The following MYT1L variants were observed in gnomAD, a reference collection of about 807,000 sequenced individuals.
MYT1L encodes myelin transcription factor 1-like protein.
A neutral mutation model predicts 126.7 loss-of-function variants in MYT1L; 12 were observed. The ratio of observed to expected loss-of-function variants is 0.09; its 90% CI spans 0.06 to 0.15. MYT1L has a LOEUF of 0.15. Among genes scored for constraint, MYT1L ranks in the 10% least tolerant of loss-of-function variants. The pLI is 1.00. For missense variants in MYT1L, 979 were observed against 1,585.2 expected (o/e 0.62, Z 6.49); for synonymous variants, 541 against 604.2 (o/e 0.90, Z 1.53).
intron 18 of MYT1L, among the ~76,000 whole-genome samples, chr2:1,858,793 C>T (rs1202217065): frequency 2.6e-5 from 4 of 152,188 alleles, no homozygotes; most frequent in African/African-American, 9.7e-5. Context: ...CACTTTCTCC[C>T]ACGCTAATAC....
At chr2:2,250,476 G>C (rs2094615987) in intron 2 of MYT1L, among the ~76,000 whole-genome samples, 1 of 151,030 alleles carries the variant, frequency 6.6e-6, no homozygotes, top group Non-Finnish European at 1.5e-5. Flanking sequence ...TTGAACTCAT[G>C]AAGATAGAAA....
intron 3 of MYT1L, among the ~76,000 whole-genome samples, chr2:2,125,835 A>G (rs969042724): frequency 4.6e-5 from 7 of 152,230 alleles, no homozygotes; most frequent in African/African-American, 1.7e-4. Context: ...AGTATAAAGT[A>G]AGTCCATTGA....
chr2:1,892,208 G>A lies in MYT1L; in HGVS notation c.2112C>T (p.Ser704=), dbSNP rs1430748087. 6.5e-6 allele frequency: 10 copies of A among 1,550,158 alleles called. No homozygotes were observed. Among genetic ancestry groups the A allele is most frequent in the Non-Finnish European group, 8.7e-6 (10 of 1,146,608 alleles). Residue 704 remains serine (S), a synonymous_variant, in exon 15 of 25, where the codon AGC becomes AGT. Coordinates refer to ENST00000647738, the MANE Select transcript of MYT1L (RefSeq NM_001303052.2). ...SYAPSSSSNL[S]CGGGSSASST... ...TGCTGGCGCTGCTGCCCCCGCCGCA[G>A]CTCAGGTTGCTGCTGCTGCTGGGCG...
intron 4 of MYT1L, among the ~76,000 whole-genome samples, chr2:2,009,918 T>TTTTTTTC (rs552518279): frequency 6.7e-6 from 1 of 148,596 alleles, no homozygotes; most frequent in African/African-American, 2.5e-5. Context: ...TTTTTTTTTT[T>TTTTTTTC]CATGAAAGGG....
intron 4 of MYT1L, among the ~76,000 whole-genome samples, chr2:2,018,551 T>C (rs933789811): frequency 5.9e-5 from 9 of 152,220 alleles, no homozygotes; most frequent in African/African-American, 2.2e-4. Context: ...TGGGTCAGAT[T>C]GAGGCCCGGC....
intron 21 of MYT1L, among the ~76,000 whole-genome samples, chr2:1,813,958 C>T (rs1300073339): frequency 2.4e-5 from 3 of 127,336 alleles, no homozygotes; most frequent in Non-Finnish European, 3.2e-5. Context: ...ACCCGGGAGG[C>T]GGAGCTTGCA....
intron 9 of MYT1L, among the ~76,000 whole-genome samples, chr2:1,934,855 C>T (rs148272193): frequency 9.9e-4 from 151 of 152,134 alleles, no homozygotes; most frequent in African/African-American, 3.4e-3. Flanking sequence ...TGTCAGTGCT[C>T]GGAACCCGGG....
intron 2 of MYT1L, among the ~76,000 whole-genome samples, chr2:2,219,872 C>T (rs1445298036): frequency 1.4e-5 from 2 of 147,742 alleles, no homozygotes; most frequent in South Asian, 2.1e-4. Flanking sequence ...AAAGTAAAAA[C>T]GGCCTTGCTG....
chr2:2,110,552 G>GTCCC (rs71402135), intron 3 of MYT1L, among the ~76,000 whole-genome samples: 4 of 148,916 alleles, frequency 2.7e-5, no homozygotes, highest in East Asian at 2.0e-4. Flanking sequence ...CTCTGTCCCT[G>GTCCC]TCCCTCCCTC....
chr2:2,159,131 C>T (rs1006879274), intron 3 of MYT1L, among the ~76,000 whole-genome samples: 4 of 152,156 alleles, frequency 2.6e-5, no homozygotes, highest in Non-Finnish European at 5.9e-5. Flanking sequence ...ATGTGAAGAG[C>T]TCCTGAGACT....
chr2:2,265,802 G>A (rs913863829), intron 2 of MYT1L, among the ~76,000 whole-genome samples: 3 of 152,146 alleles, frequency 2.0e-5, no homozygotes, highest in Non-Finnish European at 2.9e-5. Context: ...AGACATTTAC[G>A]TTTGACAATG....
chr2:2,072,008 G>A (rs1195798660), intron 3 of MYT1L, among the ~76,000 whole-genome samples: 2 of 152,164 alleles, frequency 1.3e-5, no homozygotes, highest in Non-Finnish European at 2.9e-5. Flanking sequence ...TAAATATATG[G>A]AATTGTAAAT....
intron 2 of MYT1L, among the ~76,000 whole-genome samples, chr2:2,210,503 T>C (rs1249427990): frequency 6.6e-6 from 1 of 152,184 alleles, no homozygotes; most frequent in East Asian, 1.9e-4. Context: ...CCAGTGTCTA[T>C]CCTTGGCTCC....
At chr2:2,071,771 A>G (rs893116722) in intron 3 of MYT1L, among the ~76,000 whole-genome samples, 1 of 152,142 alleles carries the variant, frequency 6.6e-6, no homozygotes, top group Non-Finnish European at 1.5e-5. Flanking sequence ...GGGAATTGAT[A>G]AGGGGAATGA....
At chr2:1,913,712 C>T (rs1208535676) in intron 11 of MYT1L, among the ~76,000 whole-genome samples, 1 of 152,090 alleles carries the variant, frequency 6.6e-6, no homozygotes, top group African/African-American at 2.4e-5. Flanking sequence ...GGATGGCACA[C>T]GGGGGTCACT....
At chr2:2,113,838 A>T (rs1411551487) in intron 3 of MYT1L, among the ~76,000 whole-genome samples, 1 of 152,122 alleles carries the variant, frequency 6.6e-6, no homozygotes, top group Non-Finnish European at 1.5e-5. Flanking sequence ...ATAGTTATGA[A>T]AACATTACTG....
intron 1 of MYT1L, among the ~76,000 whole-genome samples, chr2:2,310,051 A>G (rs1285706113): frequency 6.6e-6 from 1 of 151,960 alleles, no homozygotes; most frequent in Non-Finnish European, 1.5e-5. Context: ...AGTACACTGT[A>G]TGTAGACTCC....
At chr2:1,884,046 CGA>C (rs1426308172) in intron 18 of MYT1L, 1 of 152,132 alleles carries the variant, frequency 6.6e-6, no homozygotes, top group Non-Finnish European at 1.5e-5. Context: ...GATCCAAGAG[CGA>C]GAGTTTATCT....
At chr2:1,872,366 C>T (rs780740021) in intron 18 of MYT1L, among the ~76,000 whole-genome samples, 10 of 152,232 alleles carry the variant, frequency 6.6e-5, no homozygotes, top group East Asian at 3.9e-4. Context: ...GAGAATAAGA[C>T]GACCAAAATA....
Sources: gnomAD v4.1 joint callset for allele counts (sites outside exome capture counted in the v4.1 genomes callset) on GRCh38, gnomAD v4.1.1 for gene constraint, MANE v1.5 for transcripts, NCBI Gene and HGNC (gene_info 2026-07-23, HGNC 2026-07-21) for gene names.